The following NRXN1 variants were observed in gnomAD, a reference collection of about 807,000 sequenced individuals.
NRXN1 encodes the protein neurexin-1.
Under a neutral mutation model 150.9 loss-of-function variants are expected in NRXN1, and 39 were observed. The ratio of observed to expected loss-of-function variants is 0.26; its 90% CI spans 0.20 to 0.34. The LOEUF (loss-of-function observed/expected upper bound fraction) is 0.34, where lower values mean the gene tolerates loss of function less well. Ranked by LOEUF, NRXN1 falls within the 10% of genes least tolerant of loss-of-function variation. The probability of loss-of-function intolerance (pLI) is 1.00; values close to 1 mark genes in which losing one functional copy is unlikely to be tolerated. For synonymous variants in NRXN1, 924 were observed against 757.0 expected (o/e 1.22, Z -3.62); for missense variants, 1,815 against 1,949.9 (o/e 0.93, Z 1.30).
At chr2:50,798,927 AG>A (rs1477063213) in intron 5 of NRXN1, among the ~76,000 whole-genome samples, 1 of 152,208 alleles carries the variant, frequency 6.6e-6, no homozygotes, top group Non-Finnish European at 1.5e-5. Context: ...ATTGCTGAAA[AG>A]TTAGCATTTT....
intron 21 of NRXN1, among the ~76,000 whole-genome samples, chr2:49,950,960 G>A: frequency 6.6e-6 from 1 of 151,896 alleles, no homozygotes. Context: ...TTGGGAAAAA[G>A]GCAGACTTGA....
At chr2:50,481,981 G>T (rs1490676979) in intron 15 of NRXN1, among the ~76,000 whole-genome samples, 1 of 148,508 alleles carries the variant, frequency 6.7e-6, no homozygotes, top group East Asian at 2.0e-4. Flanking sequence ...TTTTAGCCGG[G>T]ATGGTCTCGA....
chr2:50,475,733 T>C lies in NRXN1; in HGVS notation c.3071-3262A>G, dbSNP rs867160320. On this transcript the variant is annotated intron_variant, in intron 15 of 22. Transcript: ENST00000401669. ...AGTACTGTTTATAAACTCTTTGATATAGCAAATAGTGATCTAAAGTCCCTT... is the reference window on the plus strand; with the variant it reads ...AGTACTGTTTATAAACTCTTTGATACAGCAAATAGTGATCTAAAGTCCCTT... Among the ~76,000 whole-genome samples, 3 of 152,074 alleles carry C rather than the reference T, an allele frequency of 2.0e-5. No homozygotes were observed. In the East Asian group the frequency reaches 5.8e-4, roughly 29 times the overall value.
intron 15 of NRXN1, among the ~76,000 whole-genome samples, chr2:50,493,489 G>C (rs1368003199): frequency 6.6e-6 from 1 of 152,124 alleles, no homozygotes; most frequent in East Asian, 1.9e-4. Context: ...CATAGAGACG[G>C]AGAGCTTTGC....
intron 5 of NRXN1, among the ~76,000 whole-genome samples, chr2:50,674,366 T>C (rs190304085): frequency 5.9e-5 from 9 of 152,170 alleles, no homozygotes; most frequent in African/African-American, 2.2e-4. Context: ...GCACGGACAG[T>C]AGAGGAAAGC....
intron 5 of NRXN1, among the ~76,000 whole-genome samples, chr2:50,859,891 C>T (rs1675868367): frequency 6.6e-6 from 1 of 151,170 alleles, no homozygotes. Context: ...TGTCACTTCC[C>T]TCCCCAAACT....
intron 17 of NRXN1, among the ~76,000 whole-genome samples, chr2:50,344,130 A>G (rs1185656825): frequency 6.6e-6 from 1 of 152,128 alleles, no homozygotes; most frequent in Non-Finnish European, 1.5e-5. Context: ...CAAATTCAAC[A>G]TCACCTCTTT....
At chr2:50,502,905 C>T (rs1253986586) in intron 13 of NRXN1, among the ~76,000 whole-genome samples, 1 of 152,122 alleles carries the variant, frequency 6.6e-6, no homozygotes, top group Admixed American at 6.6e-5. Flanking sequence ...TCACCTACCA[C>T]CCAAATCTTG....
chr2:50,848,789 T>C (rs1574695259), intron 5 of NRXN1, among the ~76,000 whole-genome samples: 1 of 152,132 alleles, frequency 6.6e-6, no homozygotes, highest in Non-Finnish European at 1.5e-5. Flanking sequence ...TCTTCCAATT[T>C]TGTACACTCT....
At chr2:50,523,086 T>G (rs1485254997) in intron 12 of NRXN1, among the ~76,000 whole-genome samples, 2 of 152,162 alleles carry the variant, frequency 1.3e-5, no homozygotes, top group East Asian at 3.9e-4. Flanking sequence ...ATACACTGCC[T>G]GTTTTTATTT....
chr2:49,995,776 G>A (rs138651133), intron 21 of NRXN1, among the ~76,000 whole-genome samples: 4,632 of 56,080 alleles, frequency 0.083, 346 homozygotes, highest in African/African-American at 0.25. Context: ...GCGAGACTCC[G>A]TCTCAAAAAA....
At chr2:50,428,585 T>C (rs1015089193) in intron 17 of NRXN1, among the ~76,000 whole-genome samples, 2 of 152,216 alleles carry the variant, frequency 1.3e-5, no homozygotes, top group African/African-American at 4.8e-5. Flanking sequence ...CATTGTATCT[T>C]TCCAAGAAGA....
chr2:50,927,788 T>G (rs1451922492), intron 2 of NRXN1, among the ~76,000 whole-genome samples: 2 of 151,996 alleles, frequency 1.3e-5, no homozygotes, highest in African/African-American at 4.8e-5. Flanking sequence ...TGCTACAGCA[T>G]TATTTAATTT....
At chr2:50,167,068 A>G (rs2059733552) in intron 18 of NRXN1, among the ~76,000 whole-genome samples, 1 of 152,184 alleles carries the variant, frequency 6.6e-6, no homozygotes, top group Non-Finnish European at 1.5e-5. Context: ...TTCTCAAAAT[A>G]TTTGTAAAAA....
intron 18 of NRXN1, among the ~76,000 whole-genome samples, chr2:50,194,786 G>C (rs777310660): frequency 6.6e-6 from 1 of 152,140 alleles, no homozygotes; most frequent in African/African-American, 2.4e-5. Flanking sequence ...AATGATGACT[G>C]TCTGAAGGAA....
intron 18 of NRXN1, among the ~76,000 whole-genome samples, chr2:50,226,084 C>T (rs1463678779): frequency 3.9e-5 from 6 of 151,948 alleles, no homozygotes; most frequent in Admixed American, 3.9e-4. Context: ...TGGTTAAGCA[C>T]ATGGATTTAG....
chr2:50,785,246 T>C (rs1704926707), intron 5 of NRXN1, among the ~76,000 whole-genome samples: 1 of 141,844 alleles, frequency 7.1e-6, no homozygotes, highest in Non-Finnish European at 1.6e-5. Flanking sequence ...AAATACACTT[T>C]TTTTTTTTTT....
chr2:50,508,442 A>G (rs1558853960), intron 12 of NRXN1, among the ~76,000 whole-genome samples: 1 of 152,276 alleles, frequency 6.6e-6, no homozygotes, highest in East Asian at 1.9e-4. Context: ...TCTAAATTCA[A>G]TAGTGAAGAA....
chr2:50,983,698 G>C (rs1431611167), intron 2 of NRXN1, among the ~76,000 whole-genome samples: 1 of 152,004 alleles, frequency 6.6e-6, no homozygotes, highest in Non-Finnish European at 1.5e-5. Context: ...CGTAAAAAAA[G>C]AAAAAACATA....
Sources: gnomAD v4.1 joint callset for allele counts (sites outside exome capture counted in the v4.1 genomes callset) on GRCh38, gnomAD v4.1.1 for gene constraint, MANE v1.5 for transcripts, NCBI Gene and HGNC (gene_info 2026-07-23, HGNC 2026-07-21) for gene names.